Variants in NDFIP1 observed in about 807,000 individuals in gnomAD.
The protein encoded by NDFIP1 is Nedd4 family interacting protein 1.
A neutral mutation model predicts 28.8 loss-of-function variants in NDFIP1; 7 were observed. The ratio of observed to expected loss-of-function variants is 0.24; its 90% CI spans 0.14 to 0.46. The LOEUF (loss-of-function observed/expected upper bound fraction) is 0.46, where lower values mean the gene tolerates loss of function less well. Among genes scored for constraint, NDFIP1 ranks in the 20% least tolerant of loss-of-function variants. The probability of loss-of-function intolerance (pLI) is 0.99; values close to 1 mark genes in which losing one functional copy is unlikely to be tolerated. For synonymous variants in NDFIP1, 92 were observed against 101.0 expected, an observed-to-expected ratio of 0.91 and a Z score of 0.53; for missense variants, 194 against 269.1, an observed-to-expected ratio of 0.72 and a Z score of 1.95.
intron 7 of NDFIP1, among the ~76,000 whole-genome samples, chr5:142,149,103 AT>A: frequency 6.6e-6 from 1 of 152,304 alleles, no homozygotes; most frequent in African/African-American, 2.4e-5. Context: ...GAGCCCTAGC[AT>A]TAATGAGCTA....
intron 7 of NDFIP1, among the ~76,000 whole-genome samples, chr5:142,149,311 G>A (rs909599923): frequency 7.9e-5 from 12 of 152,060 alleles, no homozygotes; most frequent in African/African-American, 2.9e-4. Context: ...TATGTTATAA[G>A]ATAGCAAGAT....
At chr5:142,133,417 C>G (rs899585557) in intron 3 of NDFIP1, among the ~76,000 whole-genome samples, 2 of 152,162 alleles carry the variant, frequency 1.3e-5, no homozygotes, top group Non-Finnish European at 2.9e-5. Context: ...TCATAGTAAC[C>G]TTGAAAGGTA....
At chr5:142,126,698 A>G (rs1349243329) in intron 1 of NDFIP1, among the ~76,000 whole-genome samples, 4 of 152,174 alleles carry the variant, frequency 2.6e-5, no homozygotes, top group African/African-American at 9.7e-5. Flanking sequence ...TGCTACAGTT[A>G]TAAATGTTGC....
chr5:142,120,147 G>C (rs1258543152), intron 1 of NDFIP1, among the ~76,000 whole-genome samples: 1 of 152,072 alleles, frequency 6.6e-6, no homozygotes, highest in African/African-American at 2.4e-5. Context: ...GTAGAGACGG[G>C]GTTTCACTAT....
At chr5:142,150,129 C>T (rs1482123824) in intron 7 of NDFIP1, among the ~76,000 whole-genome samples, 1 of 147,336 alleles carries the variant, frequency 6.8e-6, no homozygotes, top group South Asian at 2.1e-4. Context: ...TGCAGTGAGC[C>T]GAAATTGTGC....
chr5:142,149,320 A>G lies in NDFIP1; in HGVS notation c.*3-2411A>G, dbSNP rs373072454. Among the ~76,000 whole-genome samples, 6 of 152,248 alleles carry G rather than the reference A, an allele frequency of 3.9e-5. No individual in the cohort carries two copies. In the East Asian group the frequency reaches 7.7e-4, roughly 20 times the overall value. Reference sequence around the variant, plus strand: ...TTGGACTATGTTATAAGATAGCAAGATAATAGGGAAATGGTGTTTCCAGTA... The same window carrying G: ...TTGGACTATGTTATAAGATAGCAAGGTAATAGGGAAATGGTGTTTCCAGTA... On this transcript the variant is annotated intron_variant, in intron 7 of 7. Coordinates refer to ENST00000253814, the MANE Select transcript of NDFIP1 (RefSeq NM_030571.4).
At chr5:142,132,374 T>A in intron 3 of NDFIP1, 32 bp downstream of exon 3, 1 of 1,594,510 alleles carries the variant, frequency 6.3e-7, no homozygotes, top group Non-Finnish European at 8.5e-7. Flanking sequence ...ACTTGATGGC[T>A]GCTCTGTGGG....
chr5:142,136,873 C>A (rs1214379542), intron 4 of NDFIP1, among the ~76,000 whole-genome samples: 1 of 151,384 alleles, frequency 6.6e-6, no homozygotes, highest in Non-Finnish European at 1.5e-5. Flanking sequence ...CAAGACCAAC[C>A]TGGCCAACAT....
intron 1 of NDFIP1, among the ~76,000 whole-genome samples, chr5:142,124,439 G>T (rs948362249): frequency 6.6e-6 from 1 of 152,080 alleles, no homozygotes; most frequent in Non-Finnish European, 1.5e-5. Context: ...CAGTATTTGT[G>T]CTTTCATTTC....
At chr5:142,116,267 T>C (rs1415574640) in intron 1 of NDFIP1, among the ~76,000 whole-genome samples, 2 of 152,228 alleles carry the variant, frequency 1.3e-5, no homozygotes, top group African/African-American at 4.8e-5. Flanking sequence ...AGAGCATTCC[T>C]AGTGAAATAT....
rs1382000501 is a variant in NDFIP1, at chr5:142,145,527, G to C, written c.*2+851G>C. Reference sequence around the variant, plus strand: ...TGAGCACCACCTAGAGGCCAGTCCAGTTGAAGGTCTTAGGCAAAGCATTAT... The same window carrying C: ...TGAGCACCACCTAGAGGCCAGTCCACTTGAAGGTCTTAGGCAAAGCATTAT... On this transcript the variant is annotated intron_variant, in intron 7 of 7. Coordinates refer to ENST00000253814, the MANE Select transcript of NDFIP1 (RefSeq NM_030571.4). Among the ~76,000 whole-genome samples the C allele has an allele frequency of 2.0e-5, 3 of 152,144 alleles. No homozygotes were observed. The South Asian group carries it at 6.2e-4, about 32-fold the overall frequency.
chr5:142,131,147 G>A (rs1386246194), intron 1 of NDFIP1, among the ~76,000 whole-genome samples: 1 of 151,898 alleles, frequency 6.6e-6, no homozygotes, highest in African/African-American at 2.4e-5. Flanking sequence ...TAGAGACAGG[G>A]TTTGTTTTGC....
chr5:142,127,678 G>A (rs1757184416), intron 1 of NDFIP1, among the ~76,000 whole-genome samples: 1 of 152,086 alleles, frequency 6.6e-6, no homozygotes, highest in South Asian at 2.1e-4. Context: ...TATTTCAGCC[G>A]GGTATGGTGG....
intron 7 of NDFIP1, among the ~76,000 whole-genome samples, chr5:142,149,550 C>T (rs1344577880): frequency 6.7e-6 from 1 of 150,348 alleles, no homozygotes; most frequent in Non-Finnish European, 1.5e-5. Context: ...TTCTGTAACA[C>T]TGCCACTCAA....
In NDFIP1 at chr5:142,146,076, A is replaced by T. The variant is rs570495660; in HGVS notation, c.*2+1400A>T. ...ACAAACATTTTTTCAAGCATAGTAT[A>T]GTAAACTAAAATTAACACTCATGGA... On this transcript the variant is annotated intron_variant, in intron 7 of 7. Transcript: ENST00000253814. Among the ~76,000 whole-genome samples the T allele has an allele frequency of 4.6e-5, 7 of 152,368 alleles. No individual in the cohort carries two copies. The South Asian group carries it at 1.4e-3, about 32-fold the overall frequency.
intron 1 of NDFIP1, among the ~76,000 whole-genome samples, chr5:142,118,201 A>G (rs1757089121): frequency 6.6e-6 from 1 of 152,084 alleles, no homozygotes; most frequent in Non-Finnish European, 1.5e-5. Context: ...CTTTGTTCAG[A>G]TTTTCTAAGT....
intron 1 of NDFIP1, among the ~76,000 whole-genome samples, chr5:142,115,072 A>G (rs1468945740): frequency 6.6e-6 from 1 of 152,224 alleles, no homozygotes; most frequent in African/African-American, 2.4e-5. Context: ...GACATTAATT[A>G]TATTTCATAA....
At chr5:142,121,944 G>A (rs2126913280) in intron 1 of NDFIP1, among the ~76,000 whole-genome samples, 1 of 152,298 alleles carries the variant, frequency 6.6e-6, no homozygotes, top group Non-Finnish European at 1.5e-5. Flanking sequence ...TGGGGTGAAC[G>A]CAGTGATAAA....
chr5:142,115,612 G>A (rs190802077), intron 1 of NDFIP1, among the ~76,000 whole-genome samples: 11 of 152,248 alleles, frequency 7.2e-5, no homozygotes, highest in Admixed American at 2.0e-4. Flanking sequence ...GGACAATTTA[G>A]ATAAAGCAAC....
Sources: allele counts gnomAD v4.1 joint callset (sites outside exome capture counted in the v4.1 genomes callset), GRCh38; gene constraint gnomAD v4.1.1; transcripts MANE v1.5; gene names NCBI Gene and HGNC (gene_info 2026-07-23, HGNC 2026-07-21).